The following SNX16 variants were observed in gnomAD, a reference collection of about 807,000 sequenced individuals.
The protein encoded by SNX16 is sorting nexin 16, also known as sorting nexin-16.
SNX16 carries 35 observed loss-of-function variants against 36.7 expected under a neutral mutation model. The observed-to-expected ratio is 0.95, with a 90% confidence interval of 0.73 to 1.27. The LOEUF (loss-of-function observed/expected upper bound fraction) is 1.27. Among genes scored for constraint, SNX16 ranks in the 50% most tolerant of loss-of-function variants. The pLI, the probability that SNX16 is intolerant of heterozygous loss-of-function variation, is 0.00. For missense variants in SNX16, 367 were observed against 393.6 expected, an observed-to-expected ratio of 0.93 and a Z score of 0.57; for synonymous variants, 134 against 132.0, an observed-to-expected ratio of 1.02 and a Z score of -0.10.
At position 81,829,516 on chromosome 8, in the gene SNX16, C is replaced by T. The variant is rs767094150; in HGVS notation, c.376G>A (p.Val126Ile). ...EVMEERAKFT[V>I]YKILVKKTPE... ...GTTTTCTTTACTAGTATTTTATATA[C>T]CTATGCACAGGAAGAAAAACAGACG... Residue 126 changes from valine (V) to isoleucine (I), a missense_variant and splice_region_variant, in exon 3 of 8, where the codon GTA becomes ATA. Val to Ile is a conservative substitution (Grantham distance 29, BLOSUM62 3). Coordinates refer to ENST00000345957, the MANE Select transcript of SNX16 (RefSeq NM_152836.3). 12 of 1,317,056 alleles carry T rather than the reference C, an allele frequency of 9.1e-6. No individual in the cohort carries two copies. In the South Asian group the frequency reaches 2.1e-4, roughly 23 times the overall value. 81.6% of individuals were successfully genotyped at this position (1,317,056 alleles called of 1,614,324 possible).
chr8:81,823,979 A>G, intron 3 of SNX16, 39 bp from the exon 4 acceptor site: 1 of 1,559,462 alleles, frequency 6.4e-7, no homozygotes. Flanking sequence ...TGTTTAACTC[A>G]AGCACTATCA....
intron 5 of SNX16, among the ~76,000 whole-genome samples, chr8:81,809,079 G>GT (rs1810105955): frequency 6.6e-6 from 1 of 151,646 alleles, no homozygotes; most frequent in African/African-American, 2.4e-5. Context: ...AATGTGCTGT[G>GT]TAAAGTTAGT....
chr8:81,817,290 GC>G (rs1437765558), intron 4 of SNX16, among the ~76,000 whole-genome samples: 1 of 152,070 alleles, frequency 6.6e-6, no homozygotes, highest in African/African-American at 2.4e-5. Context: ...GACTGCTACT[GC>G]TAGGAAAGAA....
In SNX16 at chr8:81,803,116, A is replaced by G. The variant is rs752512206; in HGVS notation, c.794T>C (p.Ile265Thr). 4.3e-6 allele frequency: 7 copies of G among 1,610,340 alleles called. No individual in the cohort carries two copies. The highest frequency in any genetic ancestry group is 5.9e-6 in the Non-Finnish European group (7 of 1,178,404). The change falls in exon 6 of 8, where the codon ATA (isoleucine) becomes ACA (threonine). Residue 265 changes from isoleucine (I) to threonine (T), a missense_variant. Coordinates refer to ENST00000345957, the MANE Select transcript of SNX16 (RefSeq NM_152836.3). ...CCTGATTCTGTTCTCTAAAGTGTCT[A>G]TATGAAGTTGCTTCTCACTGAGCAG... ...KKLLSEKQLH[I>T]DTLENRIRTL...
chr8:81,814,249 T>C (rs1361733398), intron 5 of SNX16, among the ~76,000 whole-genome samples: 2 of 152,000 alleles, frequency 1.3e-5, no homozygotes, highest in Non-Finnish European at 2.9e-5. Flanking sequence ...GAAATAATTA[T>C]AGAGGATAAC....
intron 5 of SNX16, chr8:81,814,503 T>C (rs911619283): frequency 2.6e-5 from 4 of 152,034 alleles, no homozygotes; most frequent in Non-Finnish European, 4.4e-5. Context: ...AAATGGCTTA[T>C]AGGAATTCTT....
rs998612899 is a variant in SNX16 at position 81,800,099 on chromosome 8, T to C, written c.*1398A>G. 15 of 151,952 alleles carry C rather than the reference T, an allele frequency of 9.9e-5. No individual in the cohort carries two copies. The highest frequency in any genetic ancestry group is 7.7e-4 in the East Asian group (4 of 5,182). The allele number at this position is 151,952 out of a possible 1,614,324, so 9.4% of individuals were successfully genotyped here. ...CATTGAATGTGTTGATATATGTCATTAGAATTTTAAACAGCCACACCTTAA... is the reference window on the plus strand; with the variant it reads ...CATTGAATGTGTTGATATATGTCATCAGAATTTTAAACAGCCACACCTTAA... On this transcript the variant is annotated 3_prime_UTR_variant, in exon 8 of 8. Coordinates refer to ENST00000345957, the MANE Select transcript of SNX16 (RefSeq NM_152836.3).
At chr8:81,822,937 T>C (rs1266781151) in intron 4 of SNX16, among the ~76,000 whole-genome samples, 1 of 80,978 alleles carries the variant, frequency 1.2e-5, no homozygotes, top group African/African-American at 5.6e-5. Flanking sequence ...TATATATATA[T>C]ATACATATAC....
chr8:81,811,238 T>C (rs1324806856), intron 5 of SNX16, among the ~76,000 whole-genome samples: 1 of 152,138 alleles, frequency 6.6e-6, no homozygotes, highest in Non-Finnish European at 1.5e-5. Flanking sequence ...CCAGAAGCAA[T>C]GATCTAGCCA....
chr8:81,809,394 G>A (rs1430102132), intron 5 of SNX16, among the ~76,000 whole-genome samples: 1 of 151,780 alleles, frequency 6.6e-6, no homozygotes, highest in Non-Finnish European at 1.5e-5. Flanking sequence ...TGAAGCTTGT[G>A]TATCATCCAT....
intron 4 of SNX16, among the ~76,000 whole-genome samples, chr8:81,822,964 A>ATGTATATG (rs145512877): frequency 0.25 from 31,652 of 127,022 alleles, 4,295 homozygotes; most frequent in South Asian, 0.38. Context: ...ATATATATAT[A>ATGTATATG]TATATATATA....
At position 81,801,385 on chromosome 8, in the gene SNX16, A is replaced by G; in HGVS notation, c.*112T>C. 1.8e-6 allele frequency: 1 copy of G among 549,072 alleles called. No individual in the cohort carries two copies. Among genetic ancestry groups the G allele is most frequent in the South Asian group, 4.1e-5 (1 of 24,612 alleles). The allele number at this position is 549,072 out of a possible 1,614,324, so 34.0% of individuals were successfully genotyped here. On this transcript the variant is annotated 3_prime_UTR_variant, in exon 8 of 8. Coordinates refer to ENST00000345957, the MANE Select transcript of SNX16 (RefSeq NM_152836.3). ...CTTTATGTAAACTTTATACATGTGCATTCTTGCTCTTTTCTATATGTTTTA... is the reference window on the plus strand; with the variant it reads ...CTTTATGTAAACTTTATACATGTGCGTTCTTGCTCTTTTCTATATGTTTTA...
At chr8:81,835,316 G>C (rs1032157218) in intron 2 of SNX16, among the ~76,000 whole-genome samples, 1 of 152,226 alleles carries the variant, frequency 6.6e-6, no homozygotes, top group African/African-American at 2.4e-5. Context: ...TGTGATGGGA[G>C]GGGCTGCCAT....
intron 4 of SNX16, among the ~76,000 whole-genome samples, chr8:81,815,933 C>G (rs954173751): frequency 6.6e-6 from 1 of 152,080 alleles, no homozygotes; most frequent in Non-Finnish European, 1.5e-5. Context: ...TAAATGACCA[C>G]AAATTTTAAA....
At chr8:81,834,514 C>T (rs79743834) in intron 2 of SNX16, among the ~76,000 whole-genome samples, 2,799 of 152,190 alleles carry the variant, frequency 0.018, 87 homozygotes, top group African/African-American at 0.062. Context: ...AAGTCCCTTC[C>T]GTCTATGAGC....
At chr8:81,807,984 C>T (rs989036811) in intron 5 of SNX16, 117 of 800,638 alleles carry the variant, frequency 1.5e-4, no homozygotes, top group African/African-American at 1.2e-3. Flanking sequence ...TGGATGCAGC[C>T]GTGAATGCAA....
chr8:81,805,024 T>C (rs1397207304), intron 5 of SNX16, among the ~76,000 whole-genome samples: 2 of 87,054 alleles, frequency 2.3e-5, no homozygotes, highest in African/African-American at 6.5e-5. Flanking sequence ...ATTAGTAAGT[T>C]TGATATGATG....
intron 5 of SNX16, among the ~76,000 whole-genome samples, chr8:81,813,047 T>C (rs1563436832): frequency 6.6e-6 from 1 of 151,680 alleles, no homozygotes; most frequent in Non-Finnish European, 1.5e-5. Context: ...TGGAGACAGA[T>C]GAGAGAAACA....
At position 81,801,420 on chromosome 8, in the gene SNX16, GTTC is replaced by G. The variant is rs1809680449; in HGVS notation, c.*74_*76del. 1.2e-6 allele frequency: 1 copy of G among 803,776 alleles called. No homozygotes were observed. Among genetic ancestry groups the G allele is most frequent in the Non-Finnish European group, 1.9e-6 (1 of 517,000 alleles). The allele number at this position is 803,776 out of a possible 1,614,324, so 49.8% of individuals were successfully genotyped here. On this transcript the variant is annotated 3_prime_UTR_variant, in exon 8 of 8. Coordinates refer to ENST00000345957, the MANE Select transcript of SNX16 (RefSeq NM_152836.3). ...TTTTCTATATGTTTTACAGTTCTTG[GTTC>G]TTCTTTTAAAATAGTATTTGCCACT... is the stretch of plus-strand genomic sequence containing the variant.
Sources: allele counts gnomAD v4.1 joint callset (sites outside exome capture counted in the v4.1 genomes callset), GRCh38; gene constraint gnomAD v4.1.1; transcripts MANE v1.5; gene names NCBI Gene and HGNC (gene_info 2026-07-23, HGNC 2026-07-21).